The following SYN3 variants were observed in gnomAD, a reference collection of about 807,000 sequenced individuals.
SYN3 encodes the protein synapsin III.
A neutral mutation model predicts 65.8 loss-of-function variants in SYN3; 35 were observed. That is an observed-to-expected ratio of 0.53 (90% CI 0.41 to 0.70). The LOEUF (loss-of-function observed/expected upper bound fraction) is 0.70, where lower values mean the gene tolerates loss of function less well. Among genes scored for constraint, SYN3 ranks in the 30% least tolerant of loss-of-function variants. SYN3 has a pLI of 0.00. For missense variants in SYN3, 680 were observed against 749.0 expected (o/e 0.91, Z 1.08); for synonymous variants, 270 against 292.9 (o/e 0.92, Z 0.80).
At chr22:33,016,629 T>C (rs576624896) in intron 1 of SYN3, among the ~76,000 whole-genome samples, 2 of 152,380 alleles carry the variant, frequency 1.3e-5, no homozygotes, top group South Asian at 4.1e-4. Flanking sequence ...ATTATGGTTT[T>C]AATTTGCATT....
chr22:32,637,700 C>T (rs1173427731), intron 6 of SYN3, among the ~76,000 whole-genome samples: 4 of 139,242 alleles, frequency 2.9e-5, no homozygotes, highest in East Asian at 4.4e-4. Flanking sequence ...TGCAGTGGCA[C>T]GATGCCAGCT....
At chr22:32,980,979 C>T (rs898591042) in intron 2 of SYN3, among the ~76,000 whole-genome samples, 2 of 151,874 alleles carry the variant, frequency 1.3e-5, no homozygotes, top group African/African-American at 2.4e-5. Context: ...CTCAGCCTCC[C>T]GAGTAGCTGG....
At chr22:33,020,182 A>T (rs2053537028) in intron 1 of SYN3, among the ~76,000 whole-genome samples, 1 of 152,196 alleles carries the variant, frequency 6.6e-6, no homozygotes, top group South Asian at 2.1e-4. Flanking sequence ...TCCAGAGGAG[A>T]AGTATTCAGT....
At chr22:32,612,026 G>T (rs573781392) in intron 6 of SYN3, among the ~76,000 whole-genome samples, 2 of 151,942 alleles carry the variant, frequency 1.3e-5, no homozygotes, top group East Asian at 3.9e-4. Flanking sequence ...GAGCTTCCGG[G>T]TTGCTGAAAA....
intron 6 of SYN3, among the ~76,000 whole-genome samples, chr22:32,761,969 T>G (rs1602085858): frequency 6.6e-6 from 1 of 151,918 alleles, no homozygotes; most frequent in African/African-American, 2.4e-5. Context: ...GATGCTGGAG[T>G]GAGGAGTCTC....
intron 6 of SYN3, among the ~76,000 whole-genome samples, chr22:32,807,399 A>ATATTATATATAATATATT (rs130273): frequency 8.4e-6 from 1 of 118,362 alleles, no homozygotes; most frequent in Non-Finnish European, 1.7e-5. Context: ...TATATAATAT[A>ATATTATATATAATATATT]TATATATTAT....
chr22:32,574,081 G>C (rs919031655), intron 7 of SYN3, among the ~76,000 whole-genome samples: 1 of 151,760 alleles, frequency 6.6e-6, no homozygotes, highest in Non-Finnish European at 1.5e-5. Context: ...CTTGGCTGGG[G>C]TTTTTTTATT....
intron 8 of SYN3, among the ~76,000 whole-genome samples, chr22:32,540,163 A>G (rs2058231068): frequency 6.6e-6 from 1 of 152,200 alleles, no homozygotes; most frequent in Non-Finnish European, 1.5e-5. Context: ...CAAGCCTAAA[A>G]TTACCACCTG....
intron 2 of SYN3, among the ~76,000 whole-genome samples, chr22:32,984,637 C>T (rs2145675678): frequency 6.6e-6 from 1 of 152,176 alleles, no homozygotes; most frequent in African/African-American, 2.4e-5. Flanking sequence ...GGGAATATCC[C>T]CTCACTCCTA....
intron 6 of SYN3, among the ~76,000 whole-genome samples, chr22:32,704,048 CT>C (rs1569160385): frequency 6.6e-6 from 1 of 151,960 alleles, no homozygotes; most frequent in South Asian, 2.1e-4. Flanking sequence ...TATATTGTAA[CT>C]TTTTTTCTTT....
intron 1 of SYN3, among the ~76,000 whole-genome samples, chr22:33,050,569 C>G (rs556242967): frequency 5.3e-4 from 81 of 152,216 alleles, no homozygotes; most frequent in Middle Eastern, 3.4e-3. Context: ...AACCAGGGTC[C>G]TCCAATCTTC....
intron 6 of SYN3, among the ~76,000 whole-genome samples, chr22:32,623,986 G>A (rs530478785): frequency 6.6e-6 from 1 of 152,288 alleles, no homozygotes; most frequent in South Asian, 2.1e-4. Context: ...CAAGGACACC[G>A]CTGCCTCCCA....
At chr22:32,923,595 G>A (rs535692815) in intron 4 of SYN3, among the ~76,000 whole-genome samples, 1 of 152,310 alleles carries the variant, frequency 6.6e-6, no homozygotes, top group East Asian at 1.9e-4. Flanking sequence ...AGCAAGTCAA[G>A]AGCACTGTTT....
In SYN3 at chr22:32,814,313, G is replaced by GACAGAA. The variant is rs774703088; in HGVS notation, c.711+50601_711+50602insTTCTGT. On this transcript the variant is annotated intron_variant, in intron 6 of 13. Transcript: ENST00000358763. ...GGAAGGAAGGAAGGAGAGAGAGAGA[G>GACAGAA]AGACAGAAAGAAAGAAAGAAAGAAA... Among the ~76,000 whole-genome samples, 12 of 39,678 alleles carry GACAGAA rather than the reference G, an allele frequency of 3.0e-4. No homozygotes were observed. The East Asian group carries it at 4.9e-3, about 16-fold the overall frequency. 26.0% of individuals were successfully genotyped at this position (39,678 alleles called of 152,430 possible). A position where few individuals can be genotyped will look rare whatever the true frequency, so the allele number is the denominator to read the frequency against.
At chr22:32,809,701 CTAAT>C (rs1267757300) in intron 6 of SYN3, among the ~76,000 whole-genome samples, 1 of 152,172 alleles carries the variant, frequency 6.6e-6, no homozygotes, top group African/African-American at 2.4e-5. Context: ...AGCTAATATA[CTAAT>C]TAATTATAGC....
chr22:32,710,911 C>G (rs761245434), intron 6 of SYN3, among the ~76,000 whole-genome samples: 1 of 152,168 alleles, frequency 6.6e-6, no homozygotes, highest in African/African-American at 2.4e-5. Context: ...TACACGCCCC[C>G]CATGAAAGAT....
chr22:32,533,624 C>A (rs565211508), intron 10 of SYN3, among the ~76,000 whole-genome samples, 169 bp downstream of exon 10: 2 of 152,178 alleles, frequency 1.3e-5, no homozygotes, highest in Non-Finnish European at 2.9e-5. Flanking sequence ...CCTTTCGATG[C>A]CTCTGAGGGT....
intron 6 of SYN3, among the ~76,000 whole-genome samples, chr22:32,771,610 G>C (rs2045771917): frequency 6.6e-6 from 1 of 152,200 alleles, no homozygotes; most frequent in Non-Finnish European, 1.5e-5. Context: ...TCACAGGGGA[G>C]GGTCACAGGA....
chr22:32,964,420 A>T (rs5994647), intron 3 of SYN3, among the ~76,000 whole-genome samples: 29 of 17,606 alleles, frequency 1.6e-3, no homozygotes, highest in Non-Finnish European at 2.2e-3. Context: ...AAAGTATAAT[A>T]AAAAAAAAAA....
Sources: allele counts gnomAD v4.1 joint callset (sites outside exome capture counted in the v4.1 genomes callset), GRCh38; gene constraint gnomAD v4.1.1; transcripts MANE v1.5; gene names NCBI Gene and HGNC (gene_info 2026-07-23, HGNC 2026-07-21).